The following PKD2L2 variants were observed in gnomAD, a reference collection of about 807,000 sequenced individuals.
PKD2L2 encodes polycystin 2 like 2, transient receptor potential cation channel, also known as polycystin-2-like protein 2.
Under a neutral mutation model 83.9 loss-of-function variants are expected in PKD2L2, and 67 were observed. That is an observed-to-expected ratio of 0.80 (90% CI 0.66 to 0.98). The LOEUF is 0.98. Ranked by LOEUF, PKD2L2 falls within the 50% of genes least tolerant of loss-of-function variation. The pLI is 0.00. For synonymous variants in PKD2L2, 223 were observed against 237.8 expected (o/e 0.94, Z 0.57); for missense variants, 632 against 717.2 (o/e 0.88, Z 1.36).
intron 2 of PKD2L2, among the ~76,000 whole-genome samples, chr5:137,891,304 G>T (rs1755960586): frequency 6.6e-6 from 1 of 152,018 alleles, no homozygotes; most frequent in Non-Finnish European, 1.5e-5. Flanking sequence ...TGATTGAAAA[G>T]ACAACTATAA....
At chr5:137,899,791 T>G in intron 5 of PKD2L2, 54 bp downstream of exon 5, 1 of 918,168 alleles carries the variant, frequency 1.1e-6, no homozygotes, top group South Asian at 1.5e-5. Flanking sequence ...CTACAAAACT[T>G]CTTTATTAGT....
chr5:137,930,981 AG>A (rs1759828793), intron 12 of PKD2L2, among the ~76,000 whole-genome samples: 1 of 152,150 alleles, frequency 6.6e-6, no homozygotes, highest in Non-Finnish European at 1.5e-5. Context: ...AGTGGAATAA[AG>A]GAGAGAAAGC....
intron 9 of PKD2L2, among the ~76,000 whole-genome samples, chr5:137,922,259 CG>C (rs1210072557): frequency 6.6e-6 from 1 of 152,112 alleles, no homozygotes; most frequent in African/African-American, 2.4e-5. Context: ...TTGTCAGGCA[CG>C]GAAGTTATCC....
Position 137,889,521 on chromosome 5 carries a change from CG to C in PKD2L2, c.31+1del, listed in dbSNP as rs748641426. On this transcript the variant is annotated frameshift_variant and splice_region_variant, in exon 1 of 15. Transcript: ENST00000508883. LOFTEE classifies it high-confidence loss of function. ...CTGAGGCGTCACGGTGGCACCGAGG[CG>C]GTGAGGGGTCCTCTTAAGGAGTGGG... MAEASRWHRG[G>X]ASKHKLHYRK... The C allele has an allele frequency of 2.6e-6, 4 of 1,552,638 alleles. No homozygotes were observed. The highest frequency in any genetic ancestry group is 2.2e-5 in the Admixed American group (1 of 45,844).
chr5:137,906,075 G>C (rs1409565398), intron 5 of PKD2L2, 131 bp from the exon 6 acceptor site: 1 of 573,174 alleles, frequency 1.7e-6, no homozygotes, highest in African/African-American at 1.9e-5. Flanking sequence ...ATTTCCCCAA[G>C]GAAAAATACT....
At chr5:137,890,438 T>C in intron 1 of PKD2L2, 43 bp from the exon 2 acceptor site, 1 of 1,041,596 alleles carries the variant, frequency 9.6e-7, no homozygotes, top group Non-Finnish European at 1.5e-6. Flanking sequence ...CACTTATAAA[T>C]TACATAATAA....
chr5:137,921,755 T>C lies in PKD2L2; in HGVS notation c.1448T>C (p.Leu483Pro). 6.3e-7 allele frequency: 1 copy of C among 1,599,578 alleles called. No homozygotes were observed. Among genetic ancestry groups the C allele is most frequent in the South Asian group, 1.1e-5 (1 of 89,130 alleles). Residue 483 changes from leucine (L) to proline (P), a missense_variant and splice_region_variant, in exon 9 of 15, where the codon CTG becomes CCG. By Grantham distance (98) the Leu-to-Pro change is moderately conservative. Around this residue, in one of 3 missense-constraint regions of PKD2L2, gnomAD observed 399 missense variants for 416.9 expected, o/e 0.96. Transcript: ENST00000508883. ...TFIFFVFFVL[L>P]NMFLAIINDT... ...ATCTTTTTTGTGTTCTTTGTCCTGC[T>C]GGTAAGAATAATACATATTCCTTTC...
chr5:137,924,905 T>C (rs573725564), intron 10 of PKD2L2, 135 bp from the exon 11 acceptor site: 8 of 628,850 alleles, frequency 1.3e-5, no homozygotes, highest in East Asian at 2.8e-5. Context: ...AGGATAATCA[T>C]AGCATTTACC....
At chr5:137,918,969 A>AGAGT (rs1554108525) in intron 8 of PKD2L2, among the ~76,000 whole-genome samples, 5 of 131,690 alleles carry the variant, frequency 3.8e-5, no homozygotes, top group East Asian at 2.6e-4. Flanking sequence ...TGTGTGTGTG[A>AGAGT]GTGTGTGTGT....
intron 14 of PKD2L2, among the ~76,000 whole-genome samples, chr5:137,941,409 T>C (rs917252856): frequency 3.9e-5 from 6 of 152,196 alleles, no homozygotes; most frequent in African/African-American, 1.2e-4. Flanking sequence ...GAATGTATTT[T>C]TCTTAGTTTT....
At chr5:137,930,451 T>A (rs906748823) in intron 12 of PKD2L2, among the ~76,000 whole-genome samples, 1 of 151,942 alleles carries the variant, frequency 6.6e-6, no homozygotes, top group African/African-American at 2.4e-5. Flanking sequence ...GGTGGGCGGA[T>A]CATGAGGTCA....
At chr5:137,939,873 A>G (rs1761128261) in intron 14 of PKD2L2, 7 of 1,331,510 alleles carry the variant, frequency 5.3e-6, no homozygotes, top group Non-Finnish European at 4.8e-6. Flanking sequence ...TGAGAAACAA[A>G]AAGTTGGTAA....
intron 14 of PKD2L2, chr5:137,939,883 A>G (rs1429414825): frequency 9.0e-6 from 12 of 1,339,338 alleles, no homozygotes; most frequent in African/African-American, 4.5e-5. Flanking sequence ...AAAGTTGGTA[A>G]TAACAAAAAG....
chr5:137,935,493 CAAGAAA>C (rs1316201201), intron 12 of PKD2L2, among the ~76,000 whole-genome samples: 1 of 152,134 alleles, frequency 6.6e-6, no homozygotes, highest in Non-Finnish European at 1.5e-5. Flanking sequence ...GCTTTGATCA[CAAGAAA>C]GAGAAAATAA....
chr5:137,941,957 GATA>G, intron 14 of PKD2L2: 1 of 1,613,672 alleles, frequency 6.2e-7, no homozygotes, highest in Non-Finnish European at 8.5e-7. Flanking sequence ...CCATTTTGTT[GATA>G]AAATGCTTCT....
At chr5:137,939,185 T>C (rs1760960635) in intron 14 of PKD2L2, 1 of 152,338 alleles carries the variant, frequency 6.6e-6, no homozygotes, top group Non-Finnish European at 1.5e-5. Context: ...GGCGTTGTTG[T>C]CGTTGTTTTG....
chr5:137,922,426 T>TA, intron 9 of PKD2L2, among the ~76,000 whole-genome samples: 1 of 152,150 alleles, frequency 6.6e-6, no homozygotes. Flanking sequence ...TTCATAGAAT[T>TA]AAAAAACAAC....
chr5:137,896,026 A>T (rs1452699810), intron 4 of PKD2L2, among the ~76,000 whole-genome samples: 1 of 152,038 alleles, frequency 6.6e-6, no homozygotes, highest in Non-Finnish European at 1.5e-5. Context: ...AAAATACAAA[A>T]ATTAGCCAAG....
chr5:137,905,706 T>C (rs1443371980), intron 5 of PKD2L2, among the ~76,000 whole-genome samples: 1 of 152,180 alleles, frequency 6.6e-6, no homozygotes, highest in African/African-American at 2.4e-5. Flanking sequence ...ACATTTGCTT[T>C]AGTAGAATAT....
Sources: allele counts gnomAD v4.1 joint callset (sites outside exome capture counted in the v4.1 genomes callset), GRCh38; gene constraint gnomAD v4.1.1; regional missense constraint gnomAD v4.1.1; transcripts MANE v1.5; gene names NCBI Gene and HGNC (gene_info 2026-07-23, HGNC 2026-07-21).